Variants in ANK3 observed in about 807,000 individuals in gnomAD.
ANK3 encodes ankyrin-3.
A neutral mutation model predicts 370.9 loss-of-function variants in ANK3; 57 were observed. That is an observed-to-expected ratio of 0.15 (90% confidence interval 0.12 to 0.19). The LOEUF (loss-of-function observed/expected upper bound fraction) is 0.19. Ranked by LOEUF, ANK3 falls within the 10% of genes least tolerant of loss-of-function variation. The pLI, the probability that ANK3 is intolerant of heterozygous loss-of-function variation, is 1.00. For synonymous variants in ANK3, 1,929 were observed against 1,946.3 expected, an observed-to-expected ratio of 0.99 and a Z score of 0.23; for missense variants, 4,439 against 5,302.1, an observed-to-expected ratio of 0.84 and a Z score of 5.06.
chr10:60,279,607 A>G lies in ANK3; in HGVS notation c.147T>C (p.Ala49=), dbSNP rs1263852665. 1.9e-6 allele frequency: 3 copies of G among 1,611,756 alleles called. No homozygotes were observed. In the African/African-American group the frequency reaches 4.0e-5, roughly 22 times the overall value. Residue 49 remains alanine (A), a synonymous_variant, in exon 2 of 44, where the codon GCT becomes GCC. Coordinates refer to ENST00000280772, the MANE Select transcript of ANK3 (RefSeq NM_020987.5). Reference sequence around the variant, plus strand: ...GGGCCTTTTCAAGGTGTCCAGCTCGAGCTGCTCTTAAGTAACTTGCATTGG... The same window carrying G: ...GGGCCTTTTCAAGGTGTCCAGCTCGGGCTGCTCTTAAGTAACTTGCATTGG... ...SDANASYLRA[A]RAGHLEKALD...
intron 23 of ANK3, among the ~76,000 whole-genome samples, chr10:60,154,815 C>A (rs185414647): frequency 6.6e-6 from 1 of 152,072 alleles, no homozygotes; most frequent in African/African-American, 2.4e-5. Flanking sequence ...AATGAAACAA[C>A]CAAAATCTGT....
chr10:60,176,964 GA>G (rs79291553), intron 18 of ANK3, among the ~76,000 whole-genome samples: 3,814 of 149,988 alleles, frequency 0.025, 119 homozygotes, highest in East Asian at 0.074. Flanking sequence ...AAACTTCTTG[GA>G]AAAAAAAATA....
chr10:60,111,017 A>G (rs1362124056), intron 26 of ANK3, among the ~76,000 whole-genome samples: 1 of 152,168 alleles, frequency 6.6e-6, no homozygotes, highest in East Asian at 1.9e-4. Flanking sequence ...CTAGCACAAA[A>G]TAGGGACGTG....
chr10:60,123,902 T>C (rs1375810759), intron 25 of ANK3, among the ~76,000 whole-genome samples: 1 of 152,186 alleles, frequency 6.6e-6, no homozygotes, highest in African/African-American at 2.4e-5. Flanking sequence ...GGAAGTCATG[T>C]GGGTGTCAGT....
Position 60,074,900 on chromosome 10 carries a change from G to A in ANK3, c.5981C>T (p.Ser1994Leu), listed in dbSNP as rs141251507. The A allele has an allele frequency of 2.4e-4, 381 of 1,613,916 alleles. 1 individual carries two copies. The highest frequency in any genetic ancestry group is 4.0e-4 in the South Asian group (36 of 90,990). Reference protein sequence around the residue: ...SPEDDWIEFSSEEIREARQQA... With the variant: ...SPEDDWIEFSLEEIREARQQA... ...TTGTCTGGCTTCCCGGATTTCTTCC[G>A]AACTAAATTCTATCCAGTCATCTTC... Residue 1994 changes from serine (S) to leucine (L), a missense_variant, in exon 37 of 44, where the codon TCG becomes TTG. Coordinates refer to ENST00000280772, the MANE Select transcript of ANK3 (RefSeq NM_020987.5).
chr10:60,177,146 T>C (rs1340703529), intron 18 of ANK3, among the ~76,000 whole-genome samples: 1 of 152,204 alleles, frequency 6.6e-6, no homozygotes, highest in Admixed American at 6.5e-5. Context: ...AGCCCTATCA[T>C]ATTCTTTCCT....
intron 42 of ANK3, among the ~76,000 whole-genome samples, chr10:60,045,785 A>G (rs2076851276): frequency 1.3e-5 from 2 of 152,380 alleles, no homozygotes; most frequent in South Asian, 4.1e-4. Flanking sequence ...GTGCCAGCCA[A>G]TGGTGAGAAC....
At chr10:60,344,544 A>T (rs2054981216) in intron 1 of ANK3, among the ~76,000 whole-genome samples, 1 of 152,168 alleles carries the variant, frequency 6.6e-6, no homozygotes, top group African/African-American at 2.4e-5. Flanking sequence ...AGGTATTCCC[A>T]CGCACACGGG....
At chr10:60,362,107 T>C (rs1268904824) in intron 1 of ANK3, among the ~76,000 whole-genome samples, 1 of 152,146 alleles carries the variant, frequency 6.6e-6, no homozygotes, top group African/African-American at 2.4e-5. Flanking sequence ...CCACAACATA[T>C]CTATACTCTC....
chr10:60,359,813 G>C (rs1232380772), intron 1 of ANK3, among the ~76,000 whole-genome samples: 1 of 152,028 alleles, frequency 6.6e-6, no homozygotes, highest in Admixed American at 6.6e-5. Context: ...ACTAATCAAA[G>C]GATTATCAAT....
At chr10:60,186,967 A>T (rs757495486) in intron 16 of ANK3, 55 bp from the exon 17 acceptor site, 25 of 1,511,490 alleles carry the variant, frequency 1.7e-5, no homozygotes. Context: ...AAATGTGCAC[A>T]GTGCATTTTC....
At chr10:60,591,598 A>G (rs1382502071) in intron 2 of ANK3, among the ~76,000 whole-genome samples, 2 of 152,178 alleles carry the variant, frequency 1.3e-5, no homozygotes, top group Non-Finnish European at 2.9e-5. Flanking sequence ...AAAGGCAATC[A>G]GTATATCGAC....
At position 60,158,685 on chromosome 10, in the gene ANK3, C is replaced by CTTTT. The variant is rs141741941; in HGVS notation, c.2614+7902_2614+7905dup. Among the ~76,000 whole-genome samples, 2 of 132,756 alleles carry CTTTT rather than the reference C, an allele frequency of 1.5e-5. 1 individual carries two copies. The allele number at this position is 132,756 out of a possible 152,430, so 87.1% of individuals were successfully genotyped here. ...TACTACAAGAGAAAGCACTTTTTTT[C>CTTTT]TTTTTTTTGAGACAGAATCTCATTC... On this transcript the variant is annotated intron_variant, in intron 23 of 43. Coordinates refer to ENST00000280772, the MANE Select transcript of ANK3 (RefSeq NM_020987.5).
rs71467087 is a variant in ANK3, at chr10:60,027,286, GTTTTTTTTTT to G, written c.*2550_*2559del. 1.1e-4 allele frequency: 12 copies of G among 105,988 alleles called. No individual in the cohort carries two copies. The highest frequency in any genetic ancestry group is 8.1e-4 in the Admixed American group (8 of 9,862). 6.6% of individuals were successfully genotyped at this position (105,988 alleles called of 1,614,324 possible). ...CTTTACAGAGAGGCATTTTGGGAAA[GTTTTTTTTTT>G]TTTTTTTTTTTAAAAAAAAAACCTC... On this transcript the variant is annotated 3_prime_UTR_variant, in exon 44 of 44. Coordinates refer to ENST00000280772, the MANE Select transcript of ANK3 (RefSeq NM_020987.5).
chr10:60,045,970 C>T (rs1489637722), intron 42 of ANK3, among the ~76,000 whole-genome samples: 1 of 151,204 alleles, frequency 6.6e-6, no homozygotes, highest in African/African-American at 2.4e-5. Context: ...TTTGTGGGTG[C>T]ATAGTTCATG....
chr10:60,331,887 G>T (rs1263435600), intron 1 of ANK3, among the ~76,000 whole-genome samples: 2 of 151,966 alleles, frequency 1.3e-5, no homozygotes, highest in Non-Finnish European at 2.9e-5. Flanking sequence ...AATTACCTTT[G>T]CAGAGAAACC....
At chr10:60,237,039 C>G (rs559549232) in intron 7 of ANK3, among the ~76,000 whole-genome samples, 39 of 152,356 alleles carry the variant, frequency 2.6e-4, no homozygotes, top group African/African-American at 9.1e-4. Context: ...TGCTCCAGAC[C>G]TACCAGCTTG....
At chr10:60,051,127 C>T (rs1232206729) in intron 42 of ANK3, among the ~76,000 whole-genome samples, 1 of 152,144 alleles carries the variant, frequency 6.6e-6, no homozygotes, top group Non-Finnish European at 1.5e-5. Context: ...TCTAAGGTTT[C>T]AATTAAACAT....
Position 60,288,889 on chromosome 10 carries a change from A to AACACACACACACACACACACACAC in ANK3, c.115-9274_115-9251dup, listed in dbSNP as rs35560146. Among the ~76,000 whole-genome samples, 97 of 139,322 alleles carry AACACACACACACACACACACACAC rather than the reference A, an allele frequency of 7.0e-4. 1 individual carries two copies. The highest frequency in any genetic ancestry group is 2.4e-3 in the African/African-American group (86 of 36,520). The allele number at this position is 139,322 out of a possible 152,430, so 91.4% of individuals were successfully genotyped here. On this transcript the variant is annotated intron_variant, in intron 1 of 43. Coordinates refer to ENST00000280772, the MANE Select transcript of ANK3 (RefSeq NM_020987.5). ...CCTCAAGGATCTCCCAGGTAGGAATAACACACACACACACACACACACACA... is the reference window on the plus strand; with the variant it reads ...CCTCAAGGATCTCCCAGGTAGGAATAACACACACACACACACACACACACACACACACACACACACACACACACA...
Sources: allele counts gnomAD v4.1 joint callset (sites outside exome capture counted in the v4.1 genomes callset), GRCh38; gene constraint gnomAD v4.1.1; transcripts MANE v1.5; gene names NCBI Gene and HGNC (gene_info 2026-07-23, HGNC 2026-07-21).